RGS7BP: variants seen among roughly 807,000 people sequenced by gnomAD.
RGS7BP encodes regulator of G protein signaling 7 binding protein, also known as regulator of G protein signaling 7-binding protein.
RGS7BP carries 9 observed loss-of-function variants against 31.3 expected under a neutral mutation model. The observed-to-expected ratio is 0.29, with a 90% CI of 0.17 to 0.50. The LOEUF (loss-of-function observed/expected upper bound fraction) is 0.50, where lower values mean the gene tolerates loss of function less well. Ranked by LOEUF, RGS7BP falls within the 20% of genes least tolerant of loss-of-function variation. RGS7BP has a pLI of 0.98. For missense variants in RGS7BP, 274 were observed against 322.0 expected (o/e 0.85, Z 1.14); for synonymous variants, 115 against 120.1 (o/e 0.96, Z 0.28).
Position 64,609,128 on chromosome 5 carries a change from C to T in RGS7BP, c.683-33C>T, listed in dbSNP as rs376345868. ...TAAAAAGCAGGTTGTTGTGTCTATA[C>T]CTCACTTATGTGCACATTATGTCCC... is the stretch of plus-strand genomic sequence containing the variant. On this transcript the variant is annotated intron_variant, in intron 5 of 5. Coordinates refer to ENST00000334025, the MANE Select transcript of RGS7BP (RefSeq NM_001029875.3). 8.1e-6 allele frequency: 11 copies of T among 1,364,422 alleles called. No homozygotes were observed. The African/African-American group carries it at 1.3e-4, about 16-fold the overall frequency. The allele number at this position is 1,364,422 out of a possible 1,614,324, so 84.5% of individuals were successfully genotyped here. A position where few individuals can be genotyped will look rare whatever the true frequency, so the allele number is the denominator to read the frequency against.
In RGS7BP at chr5:64,609,208, C is replaced by G; in HGVS notation, c.730C>G (p.Arg244Gly). 1 of 1,611,376 alleles carries G rather than the reference C, an allele frequency of 6.2e-7. No homozygotes were observed. Among genetic ancestry groups the G allele is most frequent in the Non-Finnish European group, 8.5e-7 (1 of 1,177,916 alleles). Residue 244 changes from arginine to glycine, a missense_variant, in exon 6 of 6, where the codon CGG (arginine) becomes GGG (glycine). Around this residue, in one of 3 missense-constraint regions of RGS7BP, gnomAD observed 112 missense variants for 130.9 expected, o/e 0.86. Transcript: ENST00000334025. ...AACTCCCTACCCCCTGGTGAGAAGA[C>G]GGAAGAGAAGGTTCTTTGGGCTGTG... is the stretch of plus-strand genomic sequence containing the variant. ...NLTPYPLVRR[R>G]KRRFFGLCCL...
Position 64,567,589 on chromosome 5 carries a change from G to T in RGS7BP, c.333-8185G>T, listed in dbSNP as rs558325502. Among the ~76,000 whole-genome samples the T allele has an allele frequency of 7.7e-4, 117 of 152,012 alleles. 1 individual carries two copies. The highest frequency in any genetic ancestry group is 2.8e-3 in the African/African-American group (115 of 41,446). On this transcript the variant is annotated intron_variant, in intron 2 of 5. Transcript: ENST00000334025. ...TTATTTTTCTCAAGTTTCAGACATCGGGATCAATTGAATAATTTAAACATA... is the reference window on the plus strand; with the variant it reads ...TTATTTTTCTCAAGTTTCAGACATCTGGATCAATTGAATAATTTAAACATA...
intron 2 of RGS7BP, among the ~76,000 whole-genome samples, chr5:64,555,424 G>T (rs1741896946): frequency 6.6e-6 from 1 of 152,064 alleles, no homozygotes; most frequent in Non-Finnish European, 1.5e-5. Flanking sequence ...TGAACCTGTT[G>T]ATCTTGACTA....
chr5:64,542,135 A>G (rs1390233223), intron 2 of RGS7BP, among the ~76,000 whole-genome samples: 2 of 152,320 alleles, frequency 1.3e-5, no homozygotes, highest in Admixed American at 1.3e-4. Flanking sequence ...ACTTCGTGTT[A>G]ACGAAAGAGT....
intron 3 of RGS7BP, among the ~76,000 whole-genome samples, chr5:64,589,289 C>G (rs1742844620): frequency 6.6e-6 from 1 of 151,310 alleles, no homozygotes; most frequent in African/African-American, 2.4e-5. Flanking sequence ...GAGACAGACT[C>G]TGTCTCAAAA....
intron 2 of RGS7BP, among the ~76,000 whole-genome samples, chr5:64,536,120 T>C (rs111905253): frequency 6.6e-6 from 1 of 152,266 alleles, no homozygotes; most frequent in East Asian, 1.9e-4. Context: ...AGAAGTCTCT[T>C]TGGGTAGGTA....
At chr5:64,573,138 G>C (rs369169668) in intron 2 of RGS7BP, among the ~76,000 whole-genome samples, 13 of 151,814 alleles carry the variant, frequency 8.6e-5, no homozygotes, top group South Asian at 8.3e-4. Flanking sequence ...CCCCTACAAA[G>C]GACATGAACT....
At position 64,610,600 on chromosome 5, in the gene RGS7BP, C is replaced by T. The variant is rs1743477860; in HGVS notation, c.*1348C>T. The T allele has an allele frequency of 6.6e-6, 1 of 151,898 alleles. No individual in the cohort carries two copies. The highest frequency in any genetic ancestry group is 6.6e-5 in the Admixed American group (1 of 15,218). 9.4% of individuals were successfully genotyped at this position (151,898 alleles called of 1,614,324 possible). ...GTTTATCCAAGACACATCTTTAGTC[C>T]CAACCCTGTTCTTTACCAATACTTA... On this transcript the variant is annotated 3_prime_UTR_variant, in exon 6 of 6. Transcript: ENST00000334025.
intron 2 of RGS7BP, among the ~76,000 whole-genome samples, chr5:64,521,269 A>AT (rs940233464): frequency 1.3e-5 from 2 of 151,908 alleles, no homozygotes; most frequent in African/African-American, 4.8e-5. Flanking sequence ...TTTTTTATTT[A>AT]TTTTTTGAGA....
chr5:64,512,622 T>C (rs796666043), intron 2 of RGS7BP, among the ~76,000 whole-genome samples: 50 of 152,338 alleles, frequency 3.3e-4, no homozygotes, highest in African/African-American at 1.1e-3. Context: ...TGCAAGTTAG[T>C]GGTAATATAA....
intron 3 of RGS7BP, among the ~76,000 whole-genome samples, chr5:64,576,672 T>C (rs913033590): frequency 6.6e-6 from 1 of 152,172 alleles, no homozygotes; most frequent in East Asian, 1.9e-4. Context: ...AGGAATTCCA[T>C]TGACTGGTTA....
chr5:64,585,266 A>G (rs2111928442), intron 3 of RGS7BP, among the ~76,000 whole-genome samples: 1 of 152,278 alleles, frequency 6.6e-6, no homozygotes, highest in Non-Finnish European at 1.5e-5. Context: ...GTATTATCCC[A>G]GAGAAGATTG....
At chr5:64,534,444 G>A (rs991932653) in intron 2 of RGS7BP, among the ~76,000 whole-genome samples, 3 of 152,150 alleles carry the variant, frequency 2.0e-5, no homozygotes, top group African/African-American at 4.8e-5. Context: ...AGAGGAATTC[G>A]TCCCTTGGGT....
rs1162821733 is a variant in RGS7BP at position 64,550,630 on chromosome 5, G to A, written c.333-25144G>A. The stretch of plus-strand genomic sequence containing the variant: ...GTTTTAGGGTACATGTGCACAATGT[G>A]CAGGTTTGTTACATATGTATACATG... On this transcript the variant is annotated intron_variant, in intron 2 of 5. Coordinates refer to ENST00000334025, the MANE Select transcript of RGS7BP (RefSeq NM_001029875.3). Among the ~76,000 whole-genome samples, 6 of 151,718 alleles carry A rather than the reference G, an allele frequency of 4.0e-5. No homozygotes were observed. In the East Asian group the frequency reaches 1.2e-3, roughly 29 times the overall value.
intron 2 of RGS7BP, among the ~76,000 whole-genome samples, chr5:64,559,162 G>T (rs1051479392): frequency 7.2e-5 from 11 of 152,008 alleles, no homozygotes; most frequent in African/African-American, 2.7e-4. Flanking sequence ...GTAAAAACTT[G>T]CTACTTTTAC....
At chr5:64,581,566 G>T (rs1742598106) in intron 3 of RGS7BP, among the ~76,000 whole-genome samples, 1 of 152,164 alleles carries the variant, frequency 6.6e-6, no homozygotes, top group South Asian at 2.1e-4. Context: ...GGAGAGAAGG[G>T]GCACACAAGG....
chr5:64,571,156 T>G (rs1198191966), intron 2 of RGS7BP, among the ~76,000 whole-genome samples: 2 of 152,166 alleles, frequency 1.3e-5, no homozygotes, highest in Non-Finnish European at 2.9e-5. Context: ...TAGAGCCTCA[T>G]ATGAATGAAA....
At chr5:64,599,187 C>G (rs1743156335) in intron 5 of RGS7BP, among the ~76,000 whole-genome samples, 1 of 152,186 alleles carries the variant, frequency 6.6e-6, no homozygotes, top group South Asian at 2.1e-4. Flanking sequence ...ACCTTTGCAG[C>G]CCCAGAGACT....
intron 2 of RGS7BP, among the ~76,000 whole-genome samples, chr5:64,509,543 G>C (rs1014848097): frequency 1.3e-5 from 2 of 152,104 alleles, no homozygotes; most frequent in African/African-American, 2.4e-5. Context: ...GAGTTTGGAG[G>C]ATTTCAGGTG....
Sources: allele counts gnomAD v4.1 joint callset (sites outside exome capture counted in the v4.1 genomes callset), GRCh38; gene constraint gnomAD v4.1.1; regional missense constraint gnomAD v4.1.1; transcripts MANE v1.5; gene names NCBI Gene and HGNC (gene_info 2026-07-23, HGNC 2026-07-21).